FMN2: variants seen among roughly 807,000 people sequenced by gnomAD.
FMN2 encodes formin-2.
In FMN2, 51 loss-of-function variants were observed where a neutral mutation model predicts 142.3. The ratio of observed to expected loss-of-function variants is 0.36; its 90% CI spans 0.29 to 0.45. The LOEUF (loss-of-function observed/expected upper bound fraction) is 0.45. Among genes scored for constraint, FMN2 ranks in the 20% least tolerant of loss-of-function variants. FMN2 has a pLI of 1.00. For synonymous variants in FMN2, 882 were observed against 869.8 expected, an observed-to-expected ratio of 1.01 and a Z score of -0.25; for missense variants, 1,936 against 2,122.8, an observed-to-expected ratio of 0.91 and a Z score of 1.73.
chr1:240,404,437 T>C (rs866572166), intron 15 of FMN2, among the ~76,000 whole-genome samples: 3 of 152,222 alleles, frequency 2.0e-5, no homozygotes, highest in Non-Finnish European at 4.4e-5. Flanking sequence ...GTATTAAAAC[T>C]GAAGTGACAT....
intron 6 of FMN2, among the ~76,000 whole-genome samples, chr1:240,221,156 T>G (rs1245141589): frequency 6.6e-6 from 1 of 152,216 alleles, no homozygotes; most frequent in Non-Finnish European, 1.5e-5. Flanking sequence ...TTTGCTATTG[T>G]GAATAGTGCT....
In FMN2 at chr1:240,093,031, C is replaced by T; in HGVS notation, c.922C>T (p.Pro308Ser). 2 of 1,394,932 alleles carry T rather than the reference C, an allele frequency of 1.4e-6. No homozygotes were observed. The highest frequency in any genetic ancestry group is 1.8e-6 in the Non-Finnish European group (2 of 1,082,996). The allele number at this position is 1,394,932 out of a possible 1,614,324, so 86.4% of individuals were successfully genotyped here. The change falls in exon 1 of 18, where the codon CCG becomes TCG. Residue 308 changes from proline to serine, a missense_variant. Coordinates refer to ENST00000319653, the MANE Select transcript of FMN2 (RefSeq NM_020066.5). ...GLPVSEAPSLPAAQPAAKDSP... is the reference protein window; with the variant it reads ...GLPVSEAPSLSAAQPAAKDSP... ...CCCGGTCTCCGAGGCGCCCAGTCTC[C>T]CGGCAGCGCAACCCGCGGCCAAAGA...
chr1:240,271,621 TAA>T (rs1413158538), intron 7 of FMN2, among the ~76,000 whole-genome samples: 2 of 152,076 alleles, frequency 1.3e-5, no homozygotes, highest in Non-Finnish European at 2.9e-5. Flanking sequence ...CATTGAAATG[TAA>T]AGTCATTGAG....
Position 240,230,144 on chromosome 1 carries a change from C to T in FMN2, c.4065+18909C>T, listed in dbSNP as rs1163602901. Among the ~76,000 whole-genome samples, 8 of 129,352 alleles carry T rather than the reference C, an allele frequency of 6.2e-5. 1 individual carries two copies. Among genetic ancestry groups the T allele is most frequent in the Non-Finnish European group, 1.1e-4 (7 of 62,276 alleles). 84.9% of individuals were successfully genotyped at this position (129,352 alleles called of 152,430 possible). The stretch of plus-strand genomic sequence containing the variant: ...CAGCCTGGGAAACACAATGAGACCA[C>T]GTCTCTACAAAAAAATACAAAAATT... On this transcript the variant is annotated intron_variant, in intron 6 of 17. Transcript: ENST00000319653.
chr1:240,360,934 A>T (rs1231903644), intron 14 of FMN2, among the ~76,000 whole-genome samples: 1 of 151,474 alleles, frequency 6.6e-6, no homozygotes, highest in Admixed American at 6.6e-5. Context: ...GAACTCTTGG[A>T]CACAGGAAGG....
rs187213769 is a variant in FMN2, at chr1:240,284,698, A to T, written c.4154-10124A>T. On this transcript the variant is annotated intron_variant, in intron 7 of 17. Transcript: ENST00000319653. Reference sequence around the variant, plus strand: ...AGGCAGAGAAACTTTCTAAGTTGTAATCTGTCTTCTAGCTTCAGAGTCCCT... The same window carrying T: ...AGGCAGAGAAACTTTCTAAGTTGTATTCTGTCTTCTAGCTTCAGAGTCCCT... Among the ~76,000 whole-genome samples, 717 of 152,250 alleles carry T rather than the reference A, an allele frequency of 4.7e-3. 9 individuals are homozygous for T. Among genetic ancestry groups the T allele is most frequent in the South Asian group, 0.025 (121 of 4,816 alleles).
chr1:240,404,700 T>G (rs1019715629), intron 15 of FMN2, among the ~76,000 whole-genome samples: 2 of 152,186 alleles, frequency 1.3e-5, no homozygotes, highest in Admixed American at 6.5e-5. Flanking sequence ...TACAAATGGA[T>G]TTTCTTCTGT....
intron 13 of FMN2, among the ~76,000 whole-genome samples, chr1:240,335,983 A>T (rs7534735): frequency 1.3e-5 from 2 of 151,402 alleles, no homozygotes; most frequent in African/African-American, 4.9e-5. Flanking sequence ...ATCTCTACTA[A>T]AAATACAAAA....
At chr1:240,376,122 A>G (rs939980490) in intron 14 of FMN2, among the ~76,000 whole-genome samples, 1 of 151,984 alleles carries the variant, frequency 6.6e-6, no homozygotes, top group Admixed American at 6.6e-5. Flanking sequence ...TGATTTGCCT[A>G]TTTTTAATAC....
At chr1:240,177,711 A>C in intron 2 of FMN2, 2 of 360,966 alleles carry the variant, frequency 5.5e-6, no homozygotes, top group Non-Finnish European at 9.6e-6. Flanking sequence ...AGTTGAGGCA[A>C]ATGTGGTTAT....
intron 14 of FMN2, among the ~76,000 whole-genome samples, chr1:240,368,344 T>G (rs900470652): frequency 6.6e-6 from 1 of 152,176 alleles, no homozygotes; most frequent in Non-Finnish European, 1.5e-5. Flanking sequence ...ATATCAAGGC[T>G]TTCTATCTAT....
At chr1:240,337,380 C>A (rs1456436458) in intron 13 of FMN2, among the ~76,000 whole-genome samples, 1 of 151,816 alleles carries the variant, frequency 6.6e-6, no homozygotes, top group Non-Finnish European at 1.5e-5. Context: ...CCACTTCCAG[C>A]TAATTTTTTG....
intron 6 of FMN2, among the ~76,000 whole-genome samples, chr1:240,212,779 C>T (rs769890298): frequency 2.3e-4 from 35 of 152,124 alleles, no homozygotes; most frequent in Admixed American, 3.9e-4. Flanking sequence ...TCTGTCTGGG[C>T]GAGGAATATG....
At chr1:240,388,700 A>G (rs1333429960) in intron 14 of FMN2, among the ~76,000 whole-genome samples, 1 of 151,998 alleles carries the variant, frequency 6.6e-6, no homozygotes, top group Non-Finnish European at 1.5e-5. Context: ...CATCTCTACT[A>G]AAACTACAAA....
At chr1:240,290,136 TA>T (rs1305046216) in intron 7 of FMN2, among the ~76,000 whole-genome samples, 3 of 152,214 alleles carry the variant, frequency 2.0e-5, no homozygotes, top group Admixed American at 1.3e-4. Flanking sequence ...TTTATTCTTT[TA>T]TTTTTTTAAT....
chr1:240,094,262 A>G (rs1661122539), intron 1 of FMN2, among the ~76,000 whole-genome samples: 1 of 152,202 alleles, frequency 6.6e-6, no homozygotes. Context: ...ATCTTGCAGC[A>G]GTCTGGGTTC....
At position 240,339,571 on chromosome 1, in the gene FMN2, A is replaced by G. The variant is rs1214703850; in HGVS notation, c.4765+5342A>G. ...GTAAAATATACATACAAAATTTACC[A>G]TCTTTACCATTTTTAAGTTATATTT... On this transcript the variant is annotated intron_variant, in intron 13 of 17. Transcript: ENST00000319653. Among the ~76,000 whole-genome samples the G allele has an allele frequency of 3.3e-5, 5 of 152,286 alleles. No homozygotes were observed. In the South Asian group the frequency reaches 1.0e-3, roughly 32 times the overall value.
intron 4 of FMN2, among the ~76,000 whole-genome samples, chr1:240,189,154 T>C (rs1369991585): frequency 7.1e-6 from 1 of 140,004 alleles, no homozygotes; most frequent in Non-Finnish European, 1.5e-5. Flanking sequence ...ATGCAAGCTA[T>C]GCTAAAATGG....
At chr1:240,450,658 G>A (rs10802874) in intron 16 of FMN2, among the ~76,000 whole-genome samples, 106,820 of 151,706 alleles carry the variant, frequency 0.7, 37,834 homozygotes, top group East Asian at 0.88. Context: ...TCTGTATCTA[G>A]ATGAAAGAAC....
Sources: gnomAD v4.1 joint callset for allele counts (sites outside exome capture counted in the v4.1 genomes callset) on GRCh38, gnomAD v4.1.1 for gene constraint, MANE v1.5 for transcripts, NCBI Gene and HGNC (gene_info 2026-07-23, HGNC 2026-07-21) for gene names.